Variants in CCDC60 observed in about 807,000 individuals in gnomAD.
The protein encoded by CCDC60 is coiled-coil domain containing 60.
A neutral mutation model predicts 63.5 loss-of-function variants in CCDC60; 54 were observed. That is an observed-to-expected ratio of 0.85 (90% confidence interval 0.68 to 1.07). The LOEUF (loss-of-function observed/expected upper bound fraction) is 1.07. Ranked by LOEUF, CCDC60 falls within the 50% of genes least tolerant of loss-of-function variation. The probability of loss-of-function intolerance (pLI) is 0.00; values close to 1 mark genes in which losing one functional copy is unlikely to be tolerated. For synonymous variants in CCDC60, 206 were observed against 238.8 expected (o/e 0.86, Z 1.27); for missense variants, 651 against 684.3 (o/e 0.95, Z 0.54).
chr12:119,463,888 G>C (rs1288826308), intron 2 of CCDC60, among the ~76,000 whole-genome samples: 3 of 152,192 alleles, frequency 2.0e-5, no homozygotes, highest in Non-Finnish European at 4.4e-5. Context: ...AAGGAGTCGA[G>C]AGGCAGGTGC....
rs1429642167 is a variant in CCDC60 at position 119,540,607 on chromosome 12, C to T, written c.1552-7C>T. The T allele has an allele frequency of 5.0e-6, 8 of 1,606,166 alleles. No individual in the cohort carries two copies. Among genetic ancestry groups the T allele is most frequent in the Non-Finnish European group, 6.8e-6 (8 of 1,173,402 alleles). On this transcript the variant is annotated splice_region_variant and splice_polypyrimidine_tract_variant and intron_variant, in intron 13 of 13. Coordinates refer to ENST00000327554, the MANE Select transcript of CCDC60 (RefSeq NM_178499.5). The stretch of plus-strand genomic sequence containing the variant: ...ATTCTGAGATTGCCACTATGTCTGC[C>T]TCACAGTTTGTGCGAGAACACATCA...
At chr12:119,433,582 A>G (rs1716471) in intron 2 of CCDC60, 406,384 of 702,028 alleles carry the variant, frequency 0.58, 120,120 homozygotes, top group East Asian at 0.75. Flanking sequence ...TCCAAGTGGC[A>G]CAAACTCCCT....
intron 2 of CCDC60, among the ~76,000 whole-genome samples, chr12:119,455,994 A>C (rs1167914342): frequency 2.1e-5 from 1 of 47,342 alleles, no homozygotes; most frequent in African/African-American, 1.3e-4. Flanking sequence ...AGAAAGAGAG[A>C]GAGAAAGAGA....
intron 8 of CCDC60, among the ~76,000 whole-genome samples, chr12:119,519,436 CGCGTGTGTGTGTGT>C (rs1952447850): frequency 1.1e-5 from 1 of 87,496 alleles, no homozygotes; most frequent in Non-Finnish European, 2.5e-5. Context: ...TGTGTGTGTG[CGCGTGTGTGTGTGT>C]GTATATATAT....
chr12:119,367,744 G>A (rs1039566798), intron 1 of CCDC60, among the ~76,000 whole-genome samples: 2 of 152,170 alleles, frequency 1.3e-5, no homozygotes, highest in African/African-American at 2.4e-5. Flanking sequence ...CCTTGAAAAC[G>A]TTATGCAAAA....
chr12:119,507,742 G>A (rs1402014138), intron 7 of CCDC60, among the ~76,000 whole-genome samples: 1 of 149,658 alleles, frequency 6.7e-6, no homozygotes, highest in Admixed American at 6.7e-5. Flanking sequence ...CAGCTTCCTG[G>A]CCACTTACGG....
intron 11 of CCDC60, among the ~76,000 whole-genome samples, chr12:119,525,668 G>C (rs143286824): frequency 0.012 from 1,888 of 152,186 alleles, 34 homozygotes; most frequent in African/African-American, 0.043. Context: ...AGAAAGGAAA[G>C]ACTGCTATCA....
chr12:119,465,438 TTGAC>T (rs2136313783), intron 2 of CCDC60, among the ~76,000 whole-genome samples: 1 of 152,188 alleles, frequency 6.6e-6, no homozygotes, highest in Non-Finnish European at 1.5e-5. Flanking sequence ...ATTTATGACT[TTGAC>T]TGTAACTTCT....
intron 1 of CCDC60, among the ~76,000 whole-genome samples, chr12:119,417,455 CTTACT>C (rs1256454508): frequency 6.6e-6 from 1 of 151,780 alleles, no homozygotes; most frequent in Non-Finnish European, 1.5e-5. Flanking sequence ...TCCTTTTTCT[CTTACT>C]TTATCTCTTT....
chr12:119,361,870 C>A (rs779144180), intron 1 of CCDC60, among the ~76,000 whole-genome samples: 7 of 152,086 alleles, frequency 4.6e-5, no homozygotes, highest in African/African-American at 1.2e-4. Context: ...AGGTTAAGTC[C>A]GTACATATAG....
Position 119,537,717 on chromosome 12 carries a change from C to T in CCDC60, c.1552-2897C>T, listed in dbSNP as rs919634139. ...GTTTGCTGGAGGTCCACTCCAGACC[C>T]TGTTTGCCTGGGTATCACCAGCGGA... On this transcript the variant is annotated intron_variant, in intron 13 of 13. Coordinates refer to ENST00000327554, the MANE Select transcript of CCDC60 (RefSeq NM_178499.5). 5.3e-5 allele frequency among the ~76,000 whole-genome samples: 8 copies of T among 151,738 alleles called. No individual in the cohort carries two copies. In the South Asian group the frequency reaches 1.2e-3, roughly 24 times the overall value.
At chr12:119,526,345 A>G (rs2136513698) in intron 11 of CCDC60, among the ~76,000 whole-genome samples, 1 of 152,338 alleles carries the variant, frequency 6.6e-6, no homozygotes, top group South Asian at 2.1e-4. Flanking sequence ...TCCTGGACCT[A>G]GGAATGGGCA....
intron 1 of CCDC60, among the ~76,000 whole-genome samples, chr12:119,418,967 C>T (rs761518766): frequency 6.6e-6 from 1 of 152,246 alleles, no homozygotes; most frequent in African/African-American, 2.4e-5. Flanking sequence ...TGAGACTCTC[C>T]AGCTGTTGAC....
chr12:119,400,624 G>T (rs1457075572), intron 1 of CCDC60, among the ~76,000 whole-genome samples: 1 of 152,216 alleles, frequency 6.6e-6, no homozygotes, highest in Non-Finnish European at 1.5e-5. Flanking sequence ...GACTTTAACA[G>T]CCATAGGAAT....
At chr12:119,455,625 G>A (rs1950713856) in intron 2 of CCDC60, among the ~76,000 whole-genome samples, 1 of 152,026 alleles carries the variant, frequency 6.6e-6, no homozygotes, top group South Asian at 2.1e-4. Flanking sequence ...ATTTTTGGGA[G>A]GCCAAGGAAG....
chr12:119,345,733 C>A (rs1205767260), intron 1 of CCDC60, among the ~76,000 whole-genome samples: 1 of 152,066 alleles, frequency 6.6e-6, no homozygotes, highest in African/African-American at 2.4e-5. Context: ...CAGGCATAGC[C>A]CTTACCTGGA....
chr12:119,473,299 G>A (rs550345709), intron 3 of CCDC60, among the ~76,000 whole-genome samples: 7 of 152,320 alleles, frequency 4.6e-5, no homozygotes, highest in Admixed American at 3.9e-4. Context: ...AGGAAATGCA[G>A]GGTAGAAAAA....
chr12:119,455,911 A>G (rs1287178163), intron 2 of CCDC60, among the ~76,000 whole-genome samples: 1 of 123,446 alleles, frequency 8.1e-6, no homozygotes, highest in East Asian at 3.1e-4. Flanking sequence ...AGGAGGGAGG[A>G]AGGAAGGAGG....
intron 13 of CCDC60, among the ~76,000 whole-genome samples, chr12:119,533,400 T>C (rs970327321): frequency 6.6e-6 from 1 of 152,254 alleles, no homozygotes; most frequent in South Asian, 2.1e-4. Context: ...TTTCTTTTGC[T>C]GTGCAGAAGC....
Sources: gnomAD v4.1 joint callset for allele counts (sites outside exome capture counted in the v4.1 genomes callset) on GRCh38, gnomAD v4.1.1 for gene constraint, MANE v1.5 for transcripts, NCBI Gene and HGNC (gene_info 2026-07-23, HGNC 2026-07-21) for gene names.